The following SH3D21 variants were observed in gnomAD, a reference collection of about 807,000 sequenced individuals.
SH3D21 encodes the protein SH3 domain-containing protein 21.
Under a neutral mutation model 82.1 loss-of-function variants are expected in SH3D21, and 83 were observed. That is an observed-to-expected ratio of 1.01 (90% confidence interval 0.85 to 1.21). SH3D21 has a LOEUF of 1.21. Among genes scored for constraint, SH3D21 ranks in the 50% most tolerant of loss-of-function variants. SH3D21 has a pLI of 0.00. For synonymous variants in SH3D21, 383 were observed against 387.8 expected (o/e 0.99, Z 0.15); for missense variants, 980 against 962.1 (o/e 1.02, Z -0.25).
Position 36,320,003 on chromosome 1 carries a change from C to T in SH3D21, c.1340C>T (p.Pro447Leu), listed in dbSNP as rs751023043. The change falls in exon 14 of 16, where the codon CCA (proline) becomes CTA (leucine). Residue 447 changes from proline (P) to leucine (L), a missense_variant. Coordinates refer to ENST00000453908, the MANE Select transcript of SH3D21 (RefSeq NM_001162530.2). ...CTGACTGTGGACAAACCCTCCACTC[C>T]AGAGAGGGTCTTTTCAGTGGAAGAG... ...ETLTVDKPST[P>L]ERVFSVEESP... 1 of 1,614,008 alleles carries T rather than the reference C, an allele frequency of 6.2e-7. No individual in the cohort carries two copies. Among genetic ancestry groups the T allele is most frequent in the East Asian group, 2.2e-5 (1 of 44,884 alleles).
At chr1:36,323,012 T>A, downstream of SH3D21, 1 of 1,599,378 alleles carries the variant, frequency 6.3e-7, no homozygotes, top group East Asian at 2.2e-5. Context: ...GCTGAGCAAC[T>A]CCATGTCCCT....
chr1:36,320,822 G>T lies in SH3D21; in HGVS notation c.2135+24G>T. 1.9e-6 allele frequency: 3 copies of T among 1,550,932 alleles called. No homozygotes were observed. In the Admixed American group the frequency reaches 5.9e-5, roughly 30 times the overall value. ...GAGTGAGTGGGCAGTGGCGGGGGTT[G>T]TGGAAGGTAGGGTTCCCCCTAGCCC... On this transcript the variant is annotated intron_variant, in intron 14 of 15. Coordinates refer to ENST00000453908, the MANE Select transcript of SH3D21 (RefSeq NM_001162530.2).
downstream of SH3D21, chr1:36,328,358 G>A (rs55730607): frequency 0.11 from 37,533 of 355,170 alleles, 2,247 homozygotes; most frequent in Middle Eastern, 0.21. Flanking sequence ...ACGGGGATAG[G>A]TCTTGGATGG....
intron 10 of SH3D21, among the ~76,000 whole-genome samples, chr1:36,311,206 G>A (rs1053540747): frequency 2.6e-5 from 4 of 151,786 alleles, no homozygotes; most frequent in African/African-American, 9.7e-5. Flanking sequence ...ACCGTGCCTG[G>A]CTGAGATTTG....
downstream of SH3D21, among the ~76,000 whole-genome samples, chr1:36,325,287 C>T (rs1471658053): frequency 2.6e-5 from 4 of 152,126 alleles, no homozygotes; most frequent in Admixed American, 2.6e-4. Context: ...CCACCTCAGC[C>T]TCCCAAAGTG....
downstream of SH3D21, chr1:36,324,513 A>T (rs1376226881): frequency 6.6e-6 from 1 of 152,094 alleles, no homozygotes; most frequent in Non-Finnish European, 1.5e-5. Flanking sequence ...AATGAGGGGG[A>T]GGCCGCCTTG....
At position 36,308,446 on chromosome 1, in the gene SH3D21, C is replaced by T; in HGVS notation, c.697C>T (p.Pro233Ser). The stretch of plus-strand genomic sequence containing the variant: ...GTGTCAAGGACGAAGAGGAGTTTTT[C>T]CAGACAACTTTGTACTCCCACCACC... ...GECQGRRGVF[P>S]DNFVLPPPPI... is the part of the protein sequence containing the mutation. The change falls in exon 9 of 16, where the codon CCA (proline) becomes TCA (serine). Residue 233 changes from proline (P) to serine (S), a missense_variant. Pro to Ser is a moderately conservative substitution (Grantham distance 74, BLOSUM62 -1). Transcript: ENST00000453908. 3 of 1,551,686 alleles carry T rather than the reference C, an allele frequency of 1.9e-6. No homozygotes were observed. Among genetic ancestry groups the T allele is most frequent in the Non-Finnish European group, 2.6e-6 (3 of 1,146,992 alleles).
chr1:36,319,311 A>G lies in SH3D21; in HGVS notation c.915A>G (p.Ser305=). Reference sequence around the variant, plus strand: ...GTCAGAAGCTCACCTCCCGAGACTCAGGCAAGGGCTGCCTTCCTCCAGTGC... The same window carrying G: ...GTCAGAAGCTCACCTCCCGAGACTCGGGCAAGGGCTGCCTTCCTCCAGTGC... ...RDSQKLTSRD[S]GPNGGFQSGG... is the part of the protein sequence containing the mutation. Residue 305 remains serine, a splice_region_variant and synonymous_variant, in exon 12 of 16, where the codon TCA becomes TCG. Coordinates refer to ENST00000453908, the MANE Select transcript of SH3D21 (RefSeq NM_001162530.2). 1.3e-6 allele frequency: 2 copies of G among 1,551,640 alleles called. No homozygotes were observed. The highest frequency in any genetic ancestry group is 1.4e-5 in the African/African-American group (1 of 73,138).
In SH3D21 at chr1:36,307,885, C is replaced by T; in HGVS notation, c.493-33C>T. On this transcript the variant is annotated intron_variant, in intron 6 of 15. Coordinates refer to ENST00000453908, the MANE Select transcript of SH3D21 (RefSeq NM_001162530.2). This position sits in a 1 kb window ranked among gnomAD's most constrained non-coding sequence, Gnocchi z 5.4. Reference sequence around the variant, plus strand: ...GTTCCTCTTGGGGTGGTTGGAGGCTCATCTAGTTCCTCCCTGCCCCTTCCC... The same window carrying T: ...GTTCCTCTTGGGGTGGTTGGAGGCTTATCTAGTTCCTCCCTGCCCCTTCCC... The T allele has an allele frequency of 6.4e-7, 1 of 1,551,648 alleles. No homozygotes were observed. Among genetic ancestry groups the T allele is most frequent in the Non-Finnish European group, 8.7e-7 (1 of 1,146,978 alleles).
Position 36,312,065 on chromosome 1 carries a change from C to T in SH3D21, c.769+2475C>T, listed in dbSNP as rs551703601. Among the ~76,000 whole-genome samples, 1,507 of 151,948 alleles carry T rather than the reference C, an allele frequency of 9.9e-3. 18 individuals are homozygous for T. Among genetic ancestry groups the T allele is most frequent in the African/African-American group, 0.035 (1,443 of 41,434 alleles). On this transcript the variant is annotated intron_variant, in intron 10 of 15. Coordinates refer to ENST00000453908, the MANE Select transcript of SH3D21 (RefSeq NM_001162530.2). The stretch of plus-strand genomic sequence containing the variant: ...TTTGAGACAGAGTCTTGCTTTGTCA[C>T]TCAGGCTGGAGTGCAGTGGTGAGAT...
Position 36,307,751 on chromosome 1 carries a change from C to T in SH3D21, c.437-19C>T, listed in dbSNP as rs975099323. On this transcript the variant is annotated intron_variant, in intron 5 of 15. Transcript: ENST00000453908. This position sits in a 1 kb window ranked among gnomAD's most constrained non-coding sequence, Gnocchi z 5.4. The stretch of plus-strand genomic sequence containing the variant: ...ACCTGTGAATTAGCACCCTCCCTAA[C>T]CTCACTGTCCCCCACTAGGCCTTGG... The T allele has an allele frequency of 5.8e-6, 9 of 1,551,124 alleles. No homozygotes were observed. Among genetic ancestry groups the T allele is most frequent in the Non-Finnish European group, 7.8e-6 (9 of 1,146,604 alleles).
At chr1:36,325,379 T>C (rs1376424828), downstream of SH3D21, among the ~76,000 whole-genome samples, 1 of 152,162 alleles carries the variant, frequency 6.6e-6, no homozygotes, top group Non-Finnish European at 1.5e-5. Flanking sequence ...TTATAAGTAA[T>C]CAAGAGATGA....
At chr1:36,315,263 G>A (rs527810371) in intron 10 of SH3D21, among the ~76,000 whole-genome samples, 8 of 151,610 alleles carry the variant, frequency 5.3e-5, no homozygotes, top group Non-Finnish European at 8.8e-5. Flanking sequence ...GTGACAGAGC[G>A]AGACTCTGTC....
At chr1:36,315,275 C>CA (rs1266184170) in intron 10 of SH3D21, among the ~76,000 whole-genome samples, 3,436 of 144,200 alleles carry the variant, frequency 0.024, 137 homozygotes, top group African/African-American at 0.08. Flanking sequence ...GACTCTGTCT[C>CA]AAAAAAAAAA....
chr1:36,307,192 CCAAAGATGGTG>C lies in SH3D21; in HGVS notation c.258_268del (p.Arg86SerfsTer28). ...GTCATCCTGCCAAACACCCGAGGCC[CCAAAGATGGTG>C]CAAAGTGAACTTCAGCTACAGCCCA... On this transcript the variant is annotated frameshift_variant, in exon 4 of 16. Coordinates refer to ENST00000453908, the MANE Select transcript of SH3D21 (RefSeq NM_001162530.2). LOFTEE classifies it high-confidence loss of function. The surrounding 1 kb of genome is among the most constrained non-coding windows in gnomAD (Gnocchi z 5.4). 1 of 1,551,724 alleles carries C rather than the reference CCAAAGATGGTG, an allele frequency of 6.4e-7. No homozygotes were observed. The highest frequency in any genetic ancestry group is 8.7e-7 in the Non-Finnish European group (1 of 1,146,988).
intron 10 of SH3D21, among the ~76,000 whole-genome samples, chr1:36,318,811 A>G (rs1156479214): frequency 6.6e-6 from 1 of 151,868 alleles, no homozygotes; most frequent in Admixed American, 6.6e-5. Context: ...CGGGAGGCTG[A>G]GGCAGAAGAA....
At position 36,308,104 on chromosome 1, in the gene SH3D21, C is replaced by G. The variant is rs890304972; in HGVS notation, c.539-5C>G. The G allele has an allele frequency of 3.0e-5, 46 of 1,546,354 alleles. No homozygotes were observed. The highest frequency in any genetic ancestry group is 3.8e-5 in the Non-Finnish European group (43 of 1,143,758). On this transcript the variant is annotated splice_polypyrimidine_tract_variant and splice_region_variant and intron_variant, in intron 7 of 15. Transcript: ENST00000453908. ...TCAGAGGACAGTGGACTGACCTCTT[C>G]CCAGTCTCCCACCCTGAGGTCTACA...
rs2124696884 is a variant in SH3D21 at position 36,319,832 on chromosome 1, T to C, written c.1169T>C (p.Leu390Pro). ...PDKVPSPEKT[L>P]TLGDKASIPG... ...AAAGTCCCCTCCCCAGAGAAGACCC[T>C]CACTCTAGGGGACAAGGCCTCTATC... The change falls in exon 14 of 16, where the codon CTC becomes CCC. Residue 390 changes from leucine (L) to proline (P), a missense_variant. Transcript: ENST00000453908. The C allele has an allele frequency of 1.2e-6, 2 of 1,613,344 alleles. No homozygotes were observed. The highest frequency in any genetic ancestry group is 1.1e-5 in the South Asian group (1 of 91,036).
At chr1:36,314,592 A>G (rs895950432) in intron 10 of SH3D21, among the ~76,000 whole-genome samples, 1 of 151,140 alleles carries the variant, frequency 6.6e-6, no homozygotes, top group African/African-American at 2.4e-5. Context: ...AGTAGCTAGG[A>G]TGACAGGCGT....
Sources: allele counts gnomAD v4.1 joint callset (sites outside exome capture counted in the v4.1 genomes callset), GRCh38; gene constraint gnomAD v4.1.1; non-coding constraint Gnocchi (gnomAD v3.1); transcripts MANE v1.5; gene names NCBI Gene and HGNC (gene_info 2026-07-23, HGNC 2026-07-21).